Variants in EYS observed in about 807,000 individuals in gnomAD.
The protein encoded by EYS is protein eyes shut homolog.
In EYS, 250 loss-of-function variants were observed where a neutral mutation model predicts 282.1. The observed-to-expected ratio is 0.89, with a 90% CI of 0.80 to 0.98. EYS has a LOEUF of 0.98. Among genes scored for constraint, EYS ranks in the 50% least tolerant of loss-of-function variants. EYS has a pLI of 0.00. For missense variants in EYS, 4,016 were observed against 3,709.0 expected (o/e 1.08, Z -2.15); for synonymous variants, 1,355 against 1,282.9 (o/e 1.06, Z -1.20).
At chr6:65,264,494 A>G (rs546329636) in intron 12 of EYS, among the ~76,000 whole-genome samples, 1 of 152,138 alleles carries the variant, frequency 6.6e-6, no homozygotes, top group Non-Finnish European at 1.5e-5. Flanking sequence ...TCAGAATAGA[A>G]GTACTTCTTT....
chr6:63,892,172 T>G (rs955038331), intron 35 of EYS, among the ~76,000 whole-genome samples: 1 of 152,218 alleles, frequency 6.6e-6, no homozygotes, highest in Admixed American at 6.5e-5. Context: ...ATTTATAAAT[T>G]TGATGCTATT....
chr6:63,977,010 TTTTG>T (rs1766866936), intron 35 of EYS, among the ~76,000 whole-genome samples: 1 of 151,852 alleles, frequency 6.6e-6, no homozygotes, highest in Non-Finnish European at 1.5e-5. Flanking sequence ...GTACTACAGT[TTTTG>T]TTTTTTTTCA....
chr6:64,168,123 G>A (rs1042825165), intron 31 of EYS, among the ~76,000 whole-genome samples: 2 of 152,092 alleles, frequency 1.3e-5, no homozygotes, highest in Admixed American at 6.5e-5. Flanking sequence ...TTAGCCGAGC[G>A]TGGTGCGGAG....
At chr6:64,631,843 T>C (rs1307845419) in intron 22 of EYS, among the ~76,000 whole-genome samples, 2 of 152,086 alleles carry the variant, frequency 1.3e-5, no homozygotes, top group African/African-American at 4.8e-5. Flanking sequence ...CAGAAACCTT[T>C]TTTTATTTTT....
intron 12 of EYS, among the ~76,000 whole-genome samples, chr6:65,072,872 C>A (rs1773939837): frequency 1.3e-5 from 2 of 150,452 alleles, no homozygotes; most frequent in South Asian, 4.2e-4. Context: ...GAGAAATAGG[C>A]AAATATTGAA....
At chr6:65,281,072 C>T (rs1456460297) in intron 12 of EYS, among the ~76,000 whole-genome samples, 9 of 143,500 alleles carry the variant, frequency 6.3e-5, no homozygotes, top group African/African-American at 2.3e-4. Context: ...GAAATAATAA[C>T]ACCTAACTAT....
intron 29 of EYS, among the ~76,000 whole-genome samples, chr6:64,349,320 AT>A (rs1415671113): frequency 2.6e-5 from 4 of 151,202 alleles, no homozygotes; most frequent in Non-Finnish European, 5.9e-5. Flanking sequence ...TATTTTAGAG[AT>A]ATAAGCTCTG....
chr6:64,899,922 A>C (rs1767600109), intron 18 of EYS, among the ~76,000 whole-genome samples: 1 of 152,194 alleles, frequency 6.6e-6, no homozygotes, highest in South Asian at 2.1e-4. Context: ...CCATATACCC[A>C]AGACAATCCT....
At chr6:64,585,128 C>G (rs1340272553) in intron 26 of EYS, among the ~76,000 whole-genome samples, 1 of 152,044 alleles carries the variant, frequency 6.6e-6, no homozygotes, top group African/African-American at 2.4e-5. Context: ...TCATTGAATA[C>G]TACACAGCCA....
At chr6:65,267,969 A>C (rs1159506539) in intron 12 of EYS, among the ~76,000 whole-genome samples, 2 of 151,068 alleles carry the variant, frequency 1.3e-5, no homozygotes, top group Admixed American at 6.6e-5. Context: ...ACACACACCC[A>C]CACACACACA....
At chr6:64,868,068 A>G (rs1766480000) in intron 19 of EYS, among the ~76,000 whole-genome samples, 1 of 151,454 alleles carries the variant, frequency 6.6e-6, no homozygotes, top group African/African-American at 2.4e-5. Context: ...AAGATGGCAT[A>G]TTTCAAAATC....
chr6:64,103,968 C>T (rs1447533909), intron 31 of EYS, among the ~76,000 whole-genome samples: 1 of 152,004 alleles, frequency 6.6e-6, no homozygotes, highest in Non-Finnish European at 1.5e-5. Flanking sequence ...GTTTTAAAGT[C>T]TGAGTGACCT....
At chr6:65,388,464 G>A (rs1178362449) in intron 7 of EYS, among the ~76,000 whole-genome samples, 7 of 151,976 alleles carry the variant, frequency 4.6e-5, no homozygotes, top group Non-Finnish European at 1.5e-5. Flanking sequence ...CAACAGGAAA[G>A]ACATCTTTGA....
intron 33 of EYS, among the ~76,000 whole-genome samples, chr6:64,011,932 T>A (rs1187903376): frequency 6.6e-6 from 1 of 152,168 alleles, no homozygotes; most frequent in Non-Finnish European, 1.5e-5. Context: ...TACCCAACAA[T>A]AACACTGGCT....
chr6:65,368,095 G>A (rs948339851), intron 8 of EYS, among the ~76,000 whole-genome samples: 1 of 151,424 alleles, frequency 6.6e-6, no homozygotes, highest in Non-Finnish European at 1.5e-5. Flanking sequence ...GAAGTGCTGA[G>A]CAAAAGGGCA....
chr6:63,971,059 A>G (rs867444908), intron 35 of EYS, among the ~76,000 whole-genome samples: 1 of 152,220 alleles, frequency 6.6e-6, no homozygotes, highest in Admixed American at 6.5e-5. Flanking sequence ...CATTTAGGGT[A>G]CTTTTTGTTC....
intron 5 of EYS, among the ~76,000 whole-genome samples, chr6:65,468,144 G>C (rs1180260712): frequency 6.6e-6 from 1 of 152,082 alleles, no homozygotes; most frequent in Non-Finnish European, 1.5e-5. Context: ...TATCCTTAAA[G>C]GGAAAGTAAC....
intron 12 of EYS, among the ~76,000 whole-genome samples, chr6:65,271,128 T>TTTTATA (rs1189830101): frequency 1.8e-5 from 1 of 55,788 alleles, no homozygotes; most frequent in African/African-American, 5.3e-5. Flanking sequence ...AATCAATAGA[T>TTTTATA]TATATATATA....
At chr6:64,391,428 C>T (rs1385063531) in intron 28 of EYS, among the ~76,000 whole-genome samples, 6 of 152,204 alleles carry the variant, frequency 3.9e-5, no homozygotes, top group East Asian at 1.9e-4. Flanking sequence ...GCAGATCTCT[C>T]GGCAGAAACC....
Sources: gnomAD v4.1 joint callset for allele counts (sites outside exome capture counted in the v4.1 genomes callset) on GRCh38, gnomAD v4.1.1 for gene constraint, MANE v1.5 for transcripts, NCBI Gene and HGNC (gene_info 2026-07-23, HGNC 2026-07-21) for gene names.